USP36: variants seen among roughly 807,000 people sequenced by gnomAD.
USP36 encodes ubiquitin carboxyl-terminal hydrolase 36.
USP36 carries 59 observed loss-of-function variants against 111.5 expected under a neutral mutation model. The ratio of observed to expected loss-of-function variants is 0.53; its 90% confidence interval spans 0.43 to 0.66. The LOEUF (loss-of-function observed/expected upper bound fraction) is 0.66, where lower values mean the gene tolerates loss of function less well. USP36 is among the 30% of genes least tolerant of loss of function. The probability of loss-of-function intolerance (pLI) is 0.00; values close to 1 mark genes in which losing one functional copy is unlikely to be tolerated. For missense variants in USP36, 1,488 were observed against 1,468.0 expected (o/e 1.01, Z -0.22); for synonymous variants, 628 against 581.0 (o/e 1.08, Z -1.16).
chr17:78,835,018 T>TATATATATATATATA (rs1567972747), intron 4 of USP36, among the ~76,000 whole-genome samples: 4 of 149,114 alleles, frequency 2.7e-5, no homozygotes, highest in African/African-American at 9.9e-5. Context: ...TATATATATA[T>TATATATATATATATA]TTTGGAAGTA....
In USP36 at chr17:78,826,091, G is replaced by A. The variant is rs146984328; in HGVS notation, c.689+1154C>T. 3.3e-3 allele frequency among the ~76,000 whole-genome samples: 505 copies of A among 152,282 alleles called. 1 individual carries two copies. Among genetic ancestry groups the A allele is most frequent in the African/African-American group, 0.011 (465 of 41,552 alleles). On this transcript the variant is annotated intron_variant, in intron 6 of 20. Transcript: ENST00000449938. ...AGTTCAATTACCCAGTTCACTGAAG[G>A]GCAGACCTGGGATCATACAGGGAGC...
intron 13 of USP36, 43 bp downstream of exon 13, chr17:78,812,817 C>T: frequency 6.2e-7 from 1 of 1,608,246 alleles, no homozygotes; most frequent in Non-Finnish European, 8.5e-7. Flanking sequence ...CTGTGAGGAG[C>T]ACCAAGACCA....
rs138059388 is a variant in USP36, at chr17:78,816,153, G to A, written c.1024-1601C>T. On this transcript the variant is annotated intron_variant, in intron 10 of 20. Transcript: ENST00000449938. ...TGTTTAGGAACTCCGAAAAACATAC[G>A]CATAATTTTTTTTTTTTTTTTTAAG... Among the ~76,000 whole-genome samples, 1,011 of 151,686 alleles carry A rather than the reference G, an allele frequency of 6.7e-3. 13 individuals carry two copies. Among genetic ancestry groups the A allele is most frequent in the African/African-American group, 0.023 (959 of 41,320 alleles).
chr17:78,819,879 C>A (rs1442010763), intron 9 of USP36, 51 bp downstream of exon 9: 2 of 1,590,176 alleles, frequency 1.3e-6, no homozygotes, highest in East Asian at 4.5e-5. Context: ...GGTGAGGGGA[C>A]TTATTTCCCG....
At chr17:78,808,846 A>G (rs73394943) in intron 13 of USP36, among the ~76,000 whole-genome samples, 3,609 of 152,174 alleles carry the variant, frequency 0.024, 131 homozygotes, top group African/African-American at 0.081. Flanking sequence ...GGTCTGGTAT[A>G]GAGTCGGTGC....
In USP36 at chr17:78,807,355, T is replaced by C; in HGVS notation, c.1689A>G (p.Arg563=). 1 of 1,614,180 alleles carries C rather than the reference T, an allele frequency of 6.2e-7. No homozygotes were observed. The highest frequency in any genetic ancestry group is 8.5e-7 in the Non-Finnish European group (1 of 1,180,028). Residue 563 remains arginine, a synonymous_variant, in exon 14 of 21, where the codon AGA becomes AGG. Transcript: ENST00000449938. The part of the protein sequence containing the change: ...LPGTSNSNSS[R]SGSQRQGSWD... ...AGGAGCCCTGCCTTTGGCTCCCAGA[T>C]CTGCTGCTATTCGAGTTGCTGGTCC...
At chr17:78,800,140 A>G (rs1476718333) in intron 17 of USP36, among the ~76,000 whole-genome samples, 1 of 151,698 alleles carries the variant, frequency 6.6e-6, no homozygotes, top group Non-Finnish European at 1.5e-5. Flanking sequence ...AAACCAAAAA[A>G]AAAAAAACCC....
At chr17:78,821,408 ATATATATATATATTTTT>A (rs1264180628) in intron 7 of USP36, 7 of 60,280 alleles carry the variant, frequency 1.2e-4, no homozygotes, top group Admixed American at 1.9e-4. Context: ...ATATATATAT[ATATATATATATATTTTT>A]TTTTTTTTTT....
At chr17:78,821,412 ATATATATATTT>A (rs1377814016) in intron 7 of USP36, 3 of 63,816 alleles carry the variant, frequency 4.7e-5, no homozygotes, top group Non-Finnish European at 8.1e-5. Context: ...ATATATATAT[ATATATATATTT>A]TTTTTTTTTT....
In USP36 at chr17:78,798,838, C is replaced by CG; in HGVS notation, c.3240+69_3240+70insC. On this transcript the variant is annotated intron_variant, in intron 19 of 20. Coordinates refer to ENST00000449938, the MANE Select transcript of USP36 (RefSeq NM_001385174.1). This position sits in a 1 kb window ranked among gnomAD's most constrained non-coding sequence, Gnocchi z 5.1. ...TTCATGCCACTGCCGCCACCTCCAA[C>CG]TGCCCCGGCTCTGAGCTGAGCCACG... 2 of 1,571,432 alleles carry CG rather than the reference C, an allele frequency of 1.3e-6. No individual in the cohort carries two copies. Among genetic ancestry groups the CG allele is most frequent in the Non-Finnish European group, 1.7e-6 (2 of 1,146,052 alleles).
chr17:78,791,633 A>G (rs2093585189), downstream of USP36, among the ~76,000 whole-genome samples: 1 of 152,180 alleles, frequency 6.6e-6, no homozygotes, highest in Admixed American at 6.5e-5. Flanking sequence ...GCTTTCTGAG[A>G]TCCCAGAACA....
rs77302552 is a variant in USP36, at chr17:78,802,353, G to A, written c.2993C>T (p.Ala998Val). Residue 998 changes from alanine to valine, a missense_variant, in exon 17 of 21, where the codon GCG (alanine) becomes GTG (valine). This residue lies in a region of USP36 where 1,073 missense variants were observed against 994.1 expected (regional missense o/e 1.08). Coordinates refer to ENST00000449938, the MANE Select transcript of USP36 (RefSeq NM_001385174.1). ...VPESSSCAPSANGWCPGDRMG... is the reference protein window; with the variant it reads ...VPESSSCAPSVNGWCPGDRMG... The stretch of plus-strand genomic sequence containing the variant: ...GCGGTCCCCAGGACACCAGCCATTC[G>A]CGGATGGTGCGCAGCTGCTGGACTC... 1.1e-3 allele frequency: 1,735 copies of A among 1,596,170 alleles called. 29 individuals are homozygous for A. In the East Asian group the frequency reaches 0.033, roughly 30 times the overall value.
At chr17:78,802,682 C>T (rs761173229) in intron 16 of USP36, 147 bp from the exon 17 acceptor site, 55 of 774,172 alleles carry the variant, frequency 7.1e-5, no homozygotes, top group Admixed American at 1.9e-4. Flanking sequence ...TCCCCCCACA[C>T]GCATTAGCGG....
intron 5 of USP36, among the ~76,000 whole-genome samples, chr17:78,827,576 G>T (rs7216559): frequency 0.073 from 11,078 of 152,120 alleles, 1,120 homozygotes; most frequent in African/African-American, 0.23. Context: ...ATTCACTACT[G>T]CACAGACAAG....
At chr17:78,813,147 T>C in intron 12 of USP36, 146 bp from the exon 13 acceptor site, 1 of 1,073,556 alleles carries the variant, frequency 9.3e-7, no homozygotes, top group Non-Finnish European at 1.3e-6. Flanking sequence ...GAATCTCCCT[T>C]TGCCTTTCAA....
chr17:78,836,124 C>T lies in USP36; in HGVS notation c.240G>A (p.Pro80=), dbSNP rs760642104. ...ASRHKSGDDP[P]ARRQGSEHTY... is the part of the protein sequence containing the mutation. ...GCACATCTGTACCCTGTCTCCTGGC[C>T]GGTGGGTCATCTCCACTCTTGTGGC... Residue 80 remains proline, a synonymous_variant, in exon 3 of 21, where the codon CCG becomes CCA. Transcript: ENST00000449938. The T allele has an allele frequency of 1.4e-5, 22 of 1,613,364 alleles. No homozygotes were observed. Among genetic ancestry groups the T allele is most frequent in the Admixed American group, 8.3e-5 (5 of 60,004 alleles).
At chr17:78,799,177 C>A (rs2093681616) in intron 18 of USP36, among the ~76,000 whole-genome samples, 154 bp from the exon 19 acceptor site, 1 of 152,214 alleles carries the variant, frequency 6.6e-6, no homozygotes, top group Admixed American at 6.5e-5. Context: ...AGGAGGACGG[C>A]TCGACGCCCA....
At position 78,818,782 on chromosome 17, in the gene USP36, T is replaced by C. The variant is rs2094247673; in HGVS notation, c.912-4A>G. On this transcript the variant is annotated splice_region_variant and splice_polypyrimidine_tract_variant and intron_variant, in intron 9 of 20. Transcript: ENST00000449938. ...GGCTGGAACCTTCTTCTTGCATCTA[T>C]GAAGAAGGTGATGAGAAAGATTAAT... 1.2e-6 allele frequency: 2 copies of C among 1,612,862 alleles called. No homozygotes were observed. Among genetic ancestry groups the C allele is most frequent in the South Asian group, 1.1e-5 (1 of 91,044 alleles).
At chr17:78,835,679 G>A (rs2068598015) in intron 3 of USP36, among the ~76,000 whole-genome samples, 178 bp from the exon 4 acceptor site, 1 of 152,166 alleles carries the variant, frequency 6.6e-6, no homozygotes, top group African/African-American at 2.4e-5. Flanking sequence ...AGTAAACCCA[G>A]CCATCCCACG....
Sources: gnomAD v4.1 joint callset for allele counts (sites outside exome capture counted in the v4.1 genomes callset) on GRCh38, gnomAD v4.1.1 for gene constraint, gnomAD v4.1.1 regional missense constraint, Gnocchi (gnomAD v3.1) non-coding constraint, MANE v1.5 for transcripts, NCBI Gene and HGNC (gene_info 2026-07-23, HGNC 2026-07-21) for gene names.